Variants in UXS1 observed in about 807,000 individuals in gnomAD.
The protein encoded by UXS1 is UDP-glucuronic acid decarboxylase 1.
In UXS1, 33 loss-of-function variants were observed where a neutral mutation model predicts 62.6. The observed-to-expected ratio is 0.53, with a 90% CI of 0.40 to 0.70. UXS1 has a LOEUF of 0.70. UXS1 is among the 30% of genes least tolerant of loss of function. The probability of loss-of-function intolerance (pLI) is 0.00; values close to 1 mark genes in which losing one functional copy is unlikely to be tolerated. For synonymous variants in UXS1, 213 were observed against 206.8 expected, an observed-to-expected ratio of 1.03 and a Z score of -0.26; for missense variants, 434 against 556.3, an observed-to-expected ratio of 0.78 and a Z score of 2.21.
At chr2:106,192,431 G>T (rs887944579) in intron 1 of UXS1, among the ~76,000 whole-genome samples, 1 of 152,170 alleles carries the variant, frequency 6.6e-6, no homozygotes, top group Non-Finnish European at 1.5e-5. Flanking sequence ...GCGGGTGCCT[G>T]TAGTCCCAGT....
At chr2:106,096,331 T>A (rs919005444) in intron 14 of UXS1, among the ~76,000 whole-genome samples, 2 of 151,502 alleles carry the variant, frequency 1.3e-5, no homozygotes, top group Admixed American at 6.6e-5. Context: ...TGAGTGTGTG[T>A]GAGTATACTT....
At chr2:106,153,545 A>C (rs1458681052) in intron 5 of UXS1, among the ~76,000 whole-genome samples, 1 of 152,160 alleles carries the variant, frequency 6.6e-6, no homozygotes, top group African/African-American at 2.4e-5. Context: ...TAAATAAATA[A>C]ATAAAATAAA....
intron 1 of UXS1, among the ~76,000 whole-genome samples, chr2:106,185,577 G>T (rs1344186135): frequency 6.6e-6 from 1 of 152,192 alleles, no homozygotes; most frequent in Non-Finnish European, 1.5e-5. Context: ...GAAGCTACGG[G>T]TCCACAGTGA....
At chr2:106,144,256 G>A (rs942772834) in intron 6 of UXS1, among the ~76,000 whole-genome samples, 9 of 152,106 alleles carry the variant, frequency 5.9e-5, no homozygotes, top group African/African-American at 2.2e-4. Context: ...ATCCTAAACA[G>A]ATTACATAAT....
At chr2:106,160,836 A>T in intron 4 of UXS1, among the ~76,000 whole-genome samples, 1 of 152,222 alleles carries the variant, frequency 6.6e-6, no homozygotes, top group East Asian at 1.9e-4. Context: ...AAAACGAAAA[A>T]TAGGTTGAGT....
intron 4 of UXS1, among the ~76,000 whole-genome samples, chr2:106,161,603 C>A (rs1263812939): frequency 6.6e-6 from 1 of 152,174 alleles, no homozygotes; most frequent in African/African-American, 2.4e-5. Context: ...TCTTTCCTTA[C>A]AACCCCAAAT....
At chr2:106,105,554 C>G (rs576913655) in intron 10 of UXS1, among the ~76,000 whole-genome samples, 56 of 152,322 alleles carry the variant, frequency 3.7e-4, no homozygotes, top group African/African-American at 1.3e-3. Context: ...GATGCCACCT[C>G]CTGGAGAAGC....
chr2:106,138,645 A>G, intron 6 of UXS1: 1 of 985,430 alleles, frequency 1.0e-6, no homozygotes, highest in African/African-American at 1.7e-5. Context: ...CCCAAAGGCC[A>G]TTCCATCTGG....
At chr2:106,186,503 T>A (rs529651701) in intron 1 of UXS1, among the ~76,000 whole-genome samples, 6 of 151,444 alleles carry the variant, frequency 4.0e-5, no homozygotes, top group South Asian at 4.2e-4. Context: ...TAAATATGTA[T>A]ATACACACAC....
intron 9 of UXS1, among the ~76,000 whole-genome samples, chr2:106,121,404 A>G (rs1406911169): frequency 2.0e-5 from 3 of 152,228 alleles, no homozygotes; most frequent in Non-Finnish European, 2.9e-5. Flanking sequence ...CTTTACCTAT[A>G]TAAAAATTCA....
intron 10 of UXS1, among the ~76,000 whole-genome samples, chr2:106,112,338 C>T (rs1329888470): frequency 1.3e-5 from 2 of 152,220 alleles, no homozygotes; most frequent in East Asian, 1.9e-4. Flanking sequence ...ACACCCCTGG[C>T]TACAGCCAGC....
Position 106,093,879 on chromosome 2 carries a change from A to G in UXS1, c.*147T>C. On this transcript the variant is annotated 3_prime_UTR_variant, in exon 15 of 15. Transcript: ENST00000283148. ...TTGAGGGGAGCTTTTAGGCACATCC[A>G]TTTCATTAAAGCAAGCTTCAGAATG... 4.3e-6 allele frequency: 5 copies of G among 1,176,164 alleles called. No individual in the cohort carries two copies. The highest frequency in any genetic ancestry group is 2.2e-4 in the Middle Eastern group (1 of 4,558). 72.9% of individuals were successfully genotyped at this position (1,176,164 alleles called of 1,614,324 possible). A position where few individuals can be genotyped will look rare whatever the true frequency, so the allele number is the denominator to read the frequency against.
chr2:106,118,730 T>A (rs1307192492), intron 9 of UXS1, among the ~76,000 whole-genome samples: 1 of 152,198 alleles, frequency 6.6e-6, no homozygotes, highest in Non-Finnish European at 1.5e-5. Flanking sequence ...GGACATTTCA[T>A]TCATTAAAGA....
At chr2:106,182,145 G>C (rs1684284386) in intron 1 of UXS1, among the ~76,000 whole-genome samples, 2 of 152,244 alleles carry the variant, frequency 1.3e-5, no homozygotes, top group Non-Finnish European at 2.9e-5. Flanking sequence ...CAAAAGAAAG[G>C]TCTATCTAAA....
intron 12 of UXS1, chr2:106,100,831 G>A: frequency 1.8e-6 from 1 of 552,022 alleles, no homozygotes. Context: ...CCCTTCAGAA[G>A]GTGGAGGGAC....
intron 6 of UXS1, among the ~76,000 whole-genome samples, chr2:106,143,018 G>C (rs1374142580): frequency 1.3e-5 from 2 of 151,840 alleles, no homozygotes; most frequent in Admixed American, 1.3e-4. Context: ...AGTTAAAGAA[G>C]ATAATTTACT....
chr2:106,145,048 A>G, intron 6 of UXS1, 142 bp downstream of exon 6: 1 of 905,818 alleles, frequency 1.1e-6, no homozygotes, highest in Non-Finnish European at 1.6e-6. Flanking sequence ...ACGGCACCTC[A>G]TACATATTGA....
chr2:106,176,232 G>C (rs1024793317), intron 1 of UXS1, among the ~76,000 whole-genome samples: 1 of 152,088 alleles, frequency 6.6e-6, no homozygotes, highest in East Asian at 1.9e-4. Context: ...ACATAGGAAA[G>C]ATGCATCCTT....
Position 106,169,351 on chromosome 2 carries a change from G to A in UXS1, c.95-3268C>T, listed in dbSNP as rs1161486828. Among the ~76,000 whole-genome samples the A allele has an allele frequency of 3.3e-5, 5 of 152,110 alleles. No individual in the cohort carries two copies. The South Asian group carries it at 6.2e-4, about 19-fold the overall frequency. Reference sequence around the variant, plus strand: ...GGCAGACTTTTCAAATCATTCCATCGTTATTTGCTTTTTCAGTTTTTTCTT... The same window carrying A: ...GGCAGACTTTTCAAATCATTCCATCATTATTTGCTTTTTCAGTTTTTTCTT... On this transcript the variant is annotated intron_variant, in intron 1 of 14. Coordinates refer to ENST00000283148, the MANE Select transcript of UXS1 (RefSeq NM_001253875.2).
Sources: gnomAD v4.1 joint callset for allele counts (sites outside exome capture counted in the v4.1 genomes callset) on GRCh38, gnomAD v4.1.1 for gene constraint, MANE v1.5 for transcripts, NCBI Gene and HGNC (gene_info 2026-07-23, HGNC 2026-07-21) for gene names.